The following RBFOX1 variants were observed in gnomAD, a reference collection of about 807,000 sequenced individuals.
The protein encoded by RBFOX1 is RNA binding fox-1 homolog 1.
RBFOX1 carries 8 observed loss-of-function variants against 57.7 expected under a neutral mutation model. The ratio of observed to expected loss-of-function variants is 0.14; its 90% confidence interval spans 0.08 to 0.25. RBFOX1 has a LOEUF of 0.25. RBFOX1 is among the 10% of genes least tolerant of loss of function. The pLI is 1.00. For synonymous variants in RBFOX1, 326 were observed against 222.4 expected, an observed-to-expected ratio of 1.47 and a Z score of -4.15; for missense variants, 611 against 548.5, an observed-to-expected ratio of 1.11 and a Z score of -1.14.
intron 2 of RBFOX1, among the ~76,000 whole-genome samples, chr16:6,605,699 C>T (rs1286940529): frequency 6.6e-6 from 1 of 152,144 alleles, no homozygotes; most frequent in African/African-American, 2.4e-5. Flanking sequence ...CTGGGCAGGG[C>T]CTAGATGCTG....
At chr16:5,458,942 C>G (rs1467165627) in intron 1 of RBFOX1, among the ~76,000 whole-genome samples, 2 of 152,202 alleles carry the variant, frequency 1.3e-5, no homozygotes, top group African/African-American at 4.8e-5. Flanking sequence ...CACCTGGCTT[C>G]AACTCTTCCA....
chr16:6,931,473 C>T (rs897503981), intron 3 of RBFOX1, among the ~76,000 whole-genome samples: 4 of 151,930 alleles, frequency 2.6e-5, no homozygotes, highest in Admixed American at 6.6e-5. Flanking sequence ...GGGTATAATC[C>T]CAGAAGTAGA....
In RBFOX1 at chr16:6,744,760, C is replaced by G. The variant is rs188393382; in HGVS notation, c.-16+90110C>G. 3.3e-3 allele frequency among the ~76,000 whole-genome samples: 508 copies of G among 152,084 alleles called. 6 individuals carry two copies. The highest frequency in any genetic ancestry group is 0.011 in the African/African-American group (463 of 41,504). On this transcript the variant is annotated intron_variant, in intron 3 of 15. Coordinates refer to ENST00000550418, the MANE Select transcript of RBFOX1 (RefSeq NM_018723.4). Reference sequence around the variant, plus strand: ...GATAGTGAAAAATGGTCTTAAATCACTTACTTTATCTTCTGCCTTAGAAAA... The same window carrying G: ...GATAGTGAAAAATGGTCTTAAATCAGTTACTTTATCTTCTGCCTTAGAAAA...
At chr16:6,453,554 A>G (rs1040982319) in intron 2 of RBFOX1, among the ~76,000 whole-genome samples, 3 of 152,126 alleles carry the variant, frequency 2.0e-5, no homozygotes, top group South Asian at 2.1e-4. Context: ...CTACCAACCA[A>G]AAAAAAGCCC....
chr16:7,097,513 A>G (rs74008734), intron 4 of RBFOX1, among the ~76,000 whole-genome samples: 2,583 of 152,282 alleles, frequency 0.017, 76 homozygotes, highest in African/African-American at 0.06. Flanking sequence ...GTTTTAATTG[A>G]GAAGTGTTAG....
At chr16:6,189,834 T>C (rs2097130814) in intron 1 of RBFOX1, among the ~76,000 whole-genome samples, 1 of 152,212 alleles carries the variant, frequency 6.6e-6, no homozygotes, top group African/African-American at 2.4e-5. Flanking sequence ...GTTAAACATA[T>C]ATTTTGTTGT....
chr16:5,676,470 G>C (rs866867092), intron 3 of RBFOX1, among the ~76,000 whole-genome samples: 4 of 152,304 alleles, frequency 2.6e-5, no homozygotes, highest in Non-Finnish European at 4.4e-5. Flanking sequence ...GTGACCTTGA[G>C]CAAGTCACTC....
intron 15 of RBFOX1, chr16:7,709,369 G>C (rs538464154): frequency 1.4e-5 from 16 of 1,130,566 alleles, no homozygotes; most frequent in South Asian, 1.3e-4. Context: ...TCACCTAGCA[G>C]AGCACTTACC....
rs183038935 is a variant in RBFOX1 at position 6,795,119 on chromosome 16, T to C, written c.-16+140469T>C. ...ATTTCTGGGTATATTTTATCTACTT[T>C]CCTCCTCAGAAAGCCAAGTTCTGTT... On this transcript the variant is annotated intron_variant, in intron 3 of 15. Transcript: ENST00000550418. Among the ~76,000 whole-genome samples, 12 of 152,318 alleles carry C rather than the reference T, an allele frequency of 7.9e-5. No homozygotes were observed. In the East Asian group the frequency reaches 1.9e-3, roughly 25 times the overall value.
chr16:5,548,292 G>A (rs1164474836), intron 2 of RBFOX1, among the ~76,000 whole-genome samples: 1 of 149,914 alleles, frequency 6.7e-6, no homozygotes, highest in African/African-American at 2.5e-5. Flanking sequence ...CACTGCCTGG[G>A]TGATGGGATC....
In RBFOX1 at chr16:6,885,780, C is replaced by G. The variant is rs566889917; in HGVS notation, c.-15-166277C>G. Among the ~76,000 whole-genome samples the G allele has an allele frequency of 3.3e-5, 5 of 152,318 alleles. No individual in the cohort carries two copies. In the South Asian group the frequency reaches 1.0e-3, roughly 32 times the overall value. On this transcript the variant is annotated intron_variant, in intron 3 of 15. Coordinates refer to ENST00000550418, the MANE Select transcript of RBFOX1 (RefSeq NM_018723.4). ...CTCATGCCTCAGGTGATTCACCTGC[C>G]TTGGCCTCCCAAAATGCTGGGATTA... is the stretch of plus-strand genomic sequence containing the variant.
At chr16:6,891,926 G>A (rs1484561463) in intron 3 of RBFOX1, among the ~76,000 whole-genome samples, 1 of 152,124 alleles carries the variant, frequency 6.6e-6, no homozygotes, top group African/African-American at 2.4e-5. Flanking sequence ...TTTCCAGCAA[G>A]TCGGTTTTCT....
At chr16:5,737,651 G>T (rs1299228880) in intron 3 of RBFOX1, among the ~76,000 whole-genome samples, 1 of 151,312 alleles carries the variant, frequency 6.6e-6, no homozygotes, top group Non-Finnish European at 1.5e-5. Context: ...AGTTTAGGGT[G>T]CTTGGGGTCT....
chr16:7,347,646 A>G (rs1013091187), intron 4 of RBFOX1, among the ~76,000 whole-genome samples: 2 of 152,198 alleles, frequency 1.3e-5, no homozygotes, highest in Admixed American at 6.5e-5. Flanking sequence ...CTGTCACACT[A>G]CTGTGACTCA....
chr16:7,115,208 T>G (rs2065624119), intron 4 of RBFOX1, among the ~76,000 whole-genome samples: 1 of 152,068 alleles, frequency 6.6e-6, no homozygotes, highest in Non-Finnish European at 1.5e-5. Context: ...CTGATGAAAA[T>G]GGATGTAAGT....
chr16:5,615,231 A>G (rs765202840), intron 3 of RBFOX1, among the ~76,000 whole-genome samples: 4 of 152,066 alleles, frequency 2.6e-5, no homozygotes, highest in Non-Finnish European at 4.4e-5. Flanking sequence ...GAGTCTCACT[A>G]TGTTGCCCAG....
At chr16:5,552,314 TGC>T (rs2045496851) in intron 2 of RBFOX1, among the ~76,000 whole-genome samples, 1 of 152,212 alleles carries the variant, frequency 6.6e-6, no homozygotes, top group Non-Finnish European at 1.5e-5. Context: ...GAGGCTAACA[TGC>T]AGAGTGTTTC....
chr16:5,700,736 G>A (rs772815203), intron 3 of RBFOX1, among the ~76,000 whole-genome samples: 3 of 152,142 alleles, frequency 2.0e-5, no homozygotes, highest in Non-Finnish European at 4.4e-5. Flanking sequence ...AATCCTTCTG[G>A]TTTATTACTT....
At chr16:5,278,861 T>C (rs941636846) in intron 1 of RBFOX1, among the ~76,000 whole-genome samples, 2 of 152,222 alleles carry the variant, frequency 1.3e-5, no homozygotes, top group African/African-American at 4.8e-5. Flanking sequence ...TTATTCAATG[T>C]ATGTTCTTGA....
Sources: allele counts gnomAD v4.1 joint callset (sites outside exome capture counted in the v4.1 genomes callset), GRCh38; gene constraint gnomAD v4.1.1; transcripts MANE v1.5; gene names NCBI Gene and HGNC (gene_info 2026-07-23, HGNC 2026-07-21).